TREML1: variants seen among roughly 807,000 people sequenced by gnomAD.
TREML1 encodes trem-like transcript 1 protein.
Under a neutral mutation model 22.8 loss-of-function variants are expected in TREML1, and 27 were observed. The observed-to-expected ratio is 1.19, with a 90% CI of 0.87 to 1.64. TREML1 has a LOEUF of 1.64. Ranked by LOEUF, TREML1 falls within the 40% of genes most tolerant of loss-of-function variation. The probability of loss-of-function intolerance (pLI) is 0.00; values close to 1 mark genes in which losing one functional copy is unlikely to be tolerated. For synonymous variants in TREML1, 153 were observed against 161.9 expected (o/e 0.94, Z 0.42); for missense variants, 356 against 382.0 (o/e 0.93, Z 0.57).
At chr6:41,153,651 G>T in intron 2 of TREML1, 107 bp downstream of exon 2, 1 of 1,090,498 alleles carries the variant, frequency 9.2e-7, no homozygotes. Context: ...TCCTTGGAAT[G>T]CCTCCTCCCC....
Position 41,154,093 on chromosome 6 carries a change from G to A in TREML1, c.44-3C>T. Reference sequence around the variant, plus strand: ...GAGGCTGCCAACTATGCCCTGACCTGGGGAAGGAAAGGAGGTGGGAATTTT... The same window carrying A: ...GAGGCTGCCAACTATGCCCTGACCTAGGGAAGGAAAGGAGGTGGGAATTTT... On this transcript the variant is annotated splice_region_variant and splice_polypyrimidine_tract_variant and intron_variant, in intron 1 of 5. Coordinates refer to ENST00000426005, the MANE Select transcript of TREML1 (RefSeq NM_178174.4). 3 of 1,607,486 alleles carry A rather than the reference G, an allele frequency of 1.9e-6. No homozygotes were observed. The highest frequency in any genetic ancestry group is 2.6e-6 in the Non-Finnish European group (3 of 1,176,382).
In TREML1 at chr6:41,150,325, G is replaced by A; in HGVS notation, c.569-12C>T. The A allele has an allele frequency of 6.2e-7, 1 of 1,613,812 alleles. No homozygotes were observed. The highest frequency in any genetic ancestry group is 8.5e-7 in the Non-Finnish European group (1 of 1,179,862). On this transcript the variant is annotated splice_polypyrimidine_tract_variant and intron_variant, in intron 4 of 5. Coordinates refer to ENST00000426005, the MANE Select transcript of TREML1 (RefSeq NM_178174.4). ...ACCAAGCCTGTTCCCTGGCAGGACA[G>A]ACAACAGCAGCATAGTCTGCTTCCG...
chr6:41,149,412 G>T lies in TREML1; in HGVS notation c.*192C>A, dbSNP rs1343310705. On this transcript the variant is annotated 3_prime_UTR_variant, in exon 6 of 6. Transcript: ENST00000426005. ...AGAAGAACCAGTGGGGGAGTTGGGTGCAGGGAGGTCTTCCCCAAGACATCT... is the reference window on the plus strand; with the variant it reads ...AGAAGAACCAGTGGGGGAGTTGGGTTCAGGGAGGTCTTCCCCAAGACATCT... 3.4e-6 allele frequency: 2 copies of T among 594,860 alleles called. No homozygotes were observed. Among genetic ancestry groups the T allele is most frequent in the Non-Finnish European group, 5.8e-6 (2 of 342,464 alleles). The allele number at this position is 594,860 out of a possible 1,614,324, so 36.8% of individuals were successfully genotyped here.
upstream of TREML1, among the ~76,000 whole-genome samples, chr6:41,154,897 T>C (rs1765381587): frequency 6.6e-6 from 1 of 152,180 alleles, no homozygotes; most frequent in Admixed American, 6.5e-5. Context: ...CTTTGATAAT[T>C]ACATGTCCAT....
chr6:41,153,811 C>T lies in TREML1; in HGVS notation c.323G>A (p.Gly108Glu), dbSNP rs1235253457. The part of the protein sequence containing the change: ...DAGEYGCMVD[G>E]ARGPQILHRV... ...GTGCAAAATCTGGGGCCCCCTGGCC[C>T]CATCCACCATGCAGCCATACTCGCC... The change falls in exon 2 of 6, where the codon GGG becomes GAG. Residue 108 changes from glycine to glutamate, a missense_variant. Physicochemically the swap from Gly to Glu is moderately conservative, Grantham distance 98 (BLOSUM62 -2). Transcript: ENST00000426005. The T allele has an allele frequency of 6.2e-7, 1 of 1,613,906 alleles. No individual in the cohort carries two copies. Among genetic ancestry groups the T allele is most frequent in the Non-Finnish European group, 8.5e-7 (1 of 1,179,956 alleles).
upstream of TREML1, among the ~76,000 whole-genome samples, chr6:41,155,000 T>C (rs973253047): frequency 3.3e-5 from 5 of 152,224 alleles, no homozygotes; most frequent in Non-Finnish European, 7.3e-5. Flanking sequence ...TTCTATCTCA[T>C]TTTCCATCTT....
rs778622155 is a variant in TREML1 at position 41,153,879 on chromosome 6, G to T, written c.255C>A (p.Gly85=). The part of the protein sequence containing the change: ...RRTFLTDLGG[G]LLQVEMVTLQ... ...GGGTAACCATTTCCACCTGCAGCAG[G>T]CCCCCACCCAGGTCTGTGAGAAACG... The change falls in exon 2 of 6, where the codon GGC becomes GGA. Residue 85 remains glycine (G), a synonymous_variant. Coordinates refer to ENST00000426005, the MANE Select transcript of TREML1 (RefSeq NM_178174.4). The T allele has an allele frequency of 6.2e-7, 1 of 1,614,164 alleles. No homozygotes were observed. The highest frequency in any genetic ancestry group is 1.7e-5 in the Admixed American group (1 of 60,024).
chr6:41,152,955 G>A (rs967951381), intron 2 of TREML1, among the ~76,000 whole-genome samples: 2 of 151,460 alleles, frequency 1.3e-5, no homozygotes, highest in Non-Finnish European at 2.9e-5. Flanking sequence ...AGAAAAGGAA[G>A]ACCTAAAGGT....
rs1765240711 is a variant in TREML1 at position 41,151,330 on chromosome 6, TC to T, written c.430del (p.Asp144ThrfsTer20). ...CAAAGGGTTGGCACTGCCTGCAGGGTCTGAGAATGCGTTCTCAGCCAGACTG... is the reference window on the plus strand; with the variant it reads ...CAAAGGGTTGGCACTGCCTGCAGGGTTGAGAATGCGTTCTCAGCCAGACTG... ...IGSLAENAFS[D>X]PAGSANPLEP... On this transcript the variant is annotated frameshift_variant, in exon 3 of 6. Transcript: ENST00000426005. LOFTEE classifies it high-confidence loss of function. 1 of 1,614,088 alleles carries T rather than the reference TC, an allele frequency of 6.2e-7. No homozygotes were observed. Among genetic ancestry groups the T allele is most frequent in the Non-Finnish European group, 8.5e-7 (1 of 1,180,034 alleles).
rs1765248894 is a variant in TREML1 at position 41,151,576 on chromosome 6, T to C, written c.377-192A>G. ...GCCTGTCACTCCACAGATCAGGAAATGGCACTGGCTCTTTATGTCTTTACC... is the reference window on the plus strand; with the variant it reads ...GCCTGTCACTCCACAGATCAGGAAACGGCACTGGCTCTTTATGTCTTTACC... On this transcript the variant is annotated intron_variant, in intron 2 of 5. Coordinates refer to ENST00000426005, the MANE Select transcript of TREML1 (RefSeq NM_178174.4). 5.1e-6 allele frequency: 3 copies of C among 586,212 alleles called. No homozygotes were observed. The Admixed American group carries it at 8.8e-5, about 17-fold the overall frequency. 36.3% of individuals were successfully genotyped at this position (586,212 alleles called of 1,614,324 possible).
Position 41,150,247 on chromosome 6 carries a change from C to T in TREML1, c.621+14G>A, listed in dbSNP as rs776013105. The T allele has an allele frequency of 1.2e-6, 2 of 1,613,688 alleles. No individual in the cohort carries two copies. The highest frequency in any genetic ancestry group is 2.2e-5 in the South Asian group (2 of 91,000). On this transcript the variant is annotated intron_variant, in intron 5 of 5. Transcript: ENST00000426005. ...TCTGGGGAATTTGGCTGTGGGCCTG[C>T]AGAGGCCTCTTACCATGCCTGAAAC...
intron 2 of TREML1, among the ~76,000 whole-genome samples, chr6:41,152,889 G>C (rs1198688802): frequency 6.6e-6 from 1 of 151,880 alleles, no homozygotes; most frequent in Non-Finnish European, 1.5e-5. Flanking sequence ...CAAAAAACAA[G>C]GGAAGGGAAA....
At position 41,149,555 on chromosome 6, in the gene TREML1, A is replaced by G. The variant is rs780223505; in HGVS notation, c.*49T>C. Reference sequence around the variant, plus strand: ...GGGCATGAGCTGGCTGGATGGATGCACAGAACCCCTAGGGATGGTCCTCAT... The same window carrying G: ...GGGCATGAGCTGGCTGGATGGATGCGCAGAACCCCTAGGGATGGTCCTCAT... On this transcript the variant is annotated 3_prime_UTR_variant, in exon 6 of 6. Coordinates refer to ENST00000426005, the MANE Select transcript of TREML1 (RefSeq NM_178174.4). 1.3e-6 allele frequency: 2 copies of G among 1,553,672 alleles called. No homozygotes were observed. Among genetic ancestry groups the G allele is most frequent in the South Asian group, 1.2e-5 (1 of 81,124 alleles).
Position 41,149,706 on chromosome 6 carries a change from A to G in TREML1, c.834T>C (p.Pro278=), listed in dbSNP as rs759005028. The change falls in exon 6 of 6, where the codon CCT becomes CCC. Residue 278 remains proline, a synonymous_variant. Transcript: ENST00000426005. ...LPPKVLVCSK[P]VTYATVIFPG... ...GGAAGATTACTGTGGCATATGTCAC[A>G]GGCTTGGAGCAGACCAGGACCTTAG... 1 of 1,614,090 alleles carries G rather than the reference A, an allele frequency of 6.2e-7. No homozygotes were observed. Among genetic ancestry groups the G allele is most frequent in the African/African-American group, 1.3e-5 (1 of 74,924 alleles).
chr6:41,150,195 C>G, intron 5 of TREML1, 66 bp downstream of exon 5: 1 of 1,556,812 alleles, frequency 6.4e-7, no homozygotes, highest in Non-Finnish European at 8.8e-7. Context: ...ATCCTAGGAC[C>G]TCTCAGTGAG....
At position 41,154,007 on chromosome 6, in the gene TREML1, G is replaced by A; in HGVS notation, c.127C>T (p.Gln43Ter). Residue 43 changes from glutamine (Q) to a stop codon, truncating the protein, a stop_gained, in exon 2 of 6, where the codon CAG becomes TAG. Coordinates refer to ENST00000426005, the MANE Select transcript of TREML1 (RefSeq NM_178174.4). LOFTEE classifies it high-confidence loss of function. ...SILVQCHYRL[Q>*]DVKAQKVWCR... Reference sequence around the variant, plus strand: ...CACACCTTCTGAGCTTTGACATCCTGGAGCCTGTAGTGGCACTGCACCAGA... The same window carrying A: ...CACACCTTCTGAGCTTTGACATCCTAGAGCCTGTAGTGGCACTGCACCAGA... 6.2e-7 allele frequency: 1 copy of A among 1,614,166 alleles called. No homozygotes were observed. The highest frequency in any genetic ancestry group is 8.5e-7 in the Non-Finnish European group (1 of 1,180,030).
At chr6:41,150,632 C>T (rs1184806358) in intron 4 of TREML1, among the ~76,000 whole-genome samples, 187 bp downstream of exon 4, 2 of 152,108 alleles carry the variant, frequency 1.3e-5, no homozygotes, top group Admixed American at 6.6e-5. Context: ...GCAGACTGCT[C>T]CCATTGAATC....
chr6:41,153,929 G>T lies in TREML1; in HGVS notation c.205C>A (p.Arg69Ser). Residue 69 changes from arginine (R) to serine (S), a missense_variant, in exon 2 of 6, where the codon CGC becomes AGC. Arg to Ser is a moderately radical substitution (Grantham distance 110). Transcript: ENST00000426005. Reference protein sequence around the residue: ...CQPLVSSAVDRRAPAGRRTFL... With the variant: ...CQPLVSSAVDSRAPAGRRTFL... ...GTACGCCTGCCCGCTGGAGCTCTGC[G>T]ATCCACAGCTGAGGACACCAGGGGC... 7 of 1,614,182 alleles carry T rather than the reference G, an allele frequency of 4.3e-6. No individual in the cohort carries two copies. Among genetic ancestry groups the T allele is most frequent in the South Asian group, 1.1e-5 (1 of 91,084 alleles).
chr6:41,151,725 A>G, intron 2 of TREML1: 1 of 279,624 alleles, frequency 3.6e-6, no homozygotes, highest in Non-Finnish European at 7.1e-6. Context: ...AAGTCTGTGT[A>G]AAAACACCTA....
Sources: allele counts gnomAD v4.1 joint callset (sites outside exome capture counted in the v4.1 genomes callset), GRCh38; gene constraint gnomAD v4.1.1; transcripts MANE v1.5; gene names NCBI Gene and HGNC (gene_info 2026-07-23, HGNC 2026-07-21).